The following ROR1 variants were observed in gnomAD, a reference collection of about 807,000 sequenced individuals.
The protein encoded by ROR1 is inactive tyrosine-protein kinase transmembrane receptor ROR1.
ROR1 carries 19 observed loss-of-function variants against 78.8 expected under a neutral mutation model. The ratio of observed to expected loss-of-function variants is 0.24; its 90% CI spans 0.17 to 0.35. The LOEUF (loss-of-function observed/expected upper bound fraction) is 0.35, where lower values mean the gene tolerates loss of function less well. Among genes scored for constraint, ROR1 ranks in the 10% least tolerant of loss-of-function variants. ROR1 has a pLI of 1.00. For missense variants in ROR1, 917 were observed against 1,177.8 expected (o/e 0.78, Z 3.24); for synonymous variants, 386 against 433.6 (o/e 0.89, Z 1.36).
chr1:63,964,152 G>A (rs1371690420), intron 1 of ROR1, among the ~76,000 whole-genome samples: 1 of 152,132 alleles, frequency 6.6e-6, no homozygotes, highest in African/African-American at 2.4e-5. Flanking sequence ...AGATTCAGAG[G>A]TATTATTTGA....
At position 64,054,207 on chromosome 1, in the gene ROR1, G is replaced by T. The variant is rs1646855979; in HGVS notation, c.482+3491G>T. Among the ~76,000 whole-genome samples, 4 of 152,136 alleles carry T rather than the reference G, an allele frequency of 2.6e-5. No homozygotes were observed. The South Asian group carries it at 8.3e-4, about 31-fold the overall frequency. On this transcript the variant is annotated intron_variant, in intron 4 of 8. Coordinates refer to ENST00000371079, the MANE Select transcript of ROR1 (RefSeq NM_005012.4). ...GGCCTCAAGCAACCCACCTACCTTG[G>T]CCTCCCAAAGTGCTGGGATTGCAGG...
chr1:63,937,587 C>A (rs747345830), intron 1 of ROR1, among the ~76,000 whole-genome samples: 1 of 152,064 alleles, frequency 6.6e-6, no homozygotes, highest in African/African-American at 2.4e-5. Context: ...CTCTGGATAG[C>A]CATCTTGGGC....
At chr1:64,036,304 A>G (rs1646701551) in intron 2 of ROR1, among the ~76,000 whole-genome samples, 1 of 152,178 alleles carries the variant, frequency 6.6e-6, no homozygotes, top group South Asian at 2.1e-4. Flanking sequence ...ATTCTGCTAC[A>G]TGACAGGTAC....
At chr1:64,122,944 G>A (rs1219203723) in intron 4 of ROR1, among the ~76,000 whole-genome samples, 1 of 152,144 alleles carries the variant, frequency 6.6e-6, no homozygotes, top group Non-Finnish European at 1.5e-5. Context: ...AGAAAGAATG[G>A]CTCCTCCCTC....
rs1167112729 is a variant in ROR1 at position 64,178,109 on chromosome 1, C to G, written c.2068C>G (p.Leu690Val). Residue 690 changes from leucine to valine, a missense_variant, in exon 9 of 9, where the codon CTC becomes GTC. Physicochemically the swap from Leu to Val is conservative, Grantham distance 32 (BLOSUM62 1). Around this residue, in one of 3 missense-constraint regions of ROR1, gnomAD observed 835 missense variants for 1,069.8 expected, o/e 0.78. Coordinates refer to ENST00000371079, the MANE Select transcript of ROR1 (RefSeq NM_005012.4). This position sits in a 1 kb window ranked among gnomAD's most constrained non-coding sequence, Gnocchi z 4.3. Reference sequence around the variant, plus strand: ...CTTGTGGGAGATTTTCAGTTTTGGACTCCAGCCATATTATGGATTCAGTAA... The same window carrying G: ...CTTGTGGGAGATTTTCAGTTTTGGAGTCCAGCCATATTATGGATTCAGTAA... ...VVLWEIFSFG[L>V]QPYYGFSNQE... The G allele has an allele frequency of 6.2e-7, 1 of 1,614,110 alleles. No homozygotes were observed. The highest frequency in any genetic ancestry group is 2.2e-5 in the East Asian group (1 of 44,868).
At chr1:63,985,822 G>A (rs577889845) in intron 1 of ROR1, among the ~76,000 whole-genome samples, 1 of 151,636 alleles carries the variant, frequency 6.6e-6, no homozygotes, top group South Asian at 2.1e-4. Context: ...TTAGATTTAG[G>A]TCCCATCCCT....
At chr1:64,035,525 T>A (rs1646695133) in intron 2 of ROR1, among the ~76,000 whole-genome samples, 1 of 150,236 alleles carries the variant, frequency 6.7e-6, no homozygotes, top group Non-Finnish European at 1.5e-5. Context: ...GAGAGTTGAT[T>A]GGACCAGGGA....
Position 63,876,677 on chromosome 1 carries a change from TGTGTGCGC to T in ROR1, c.91+102175_91+102182del, listed in dbSNP as rs1288055040. ...GTGTGTGTGTGTGTGTGTGTGTGTG[TGTGTGCGC>T]GTGTGTGTGTGAGAACATGTGTTTA... On this transcript the variant is annotated intron_variant, in intron 1 of 8. Coordinates refer to ENST00000371079, the MANE Select transcript of ROR1 (RefSeq NM_005012.4). Among the ~76,000 whole-genome samples, 89 of 81,850 alleles carry T rather than the reference TGTGTGCGC, an allele frequency of 1.1e-3. No homozygotes were observed. The African/African-American group carries it at 0.011, about 10-fold the overall frequency. The allele number at this position is 81,850 out of a possible 152,430, so 53.7% of individuals were successfully genotyped here.
At chr1:63,977,289 C>A (rs926122315) in intron 1 of ROR1, among the ~76,000 whole-genome samples, 11 of 152,276 alleles carry the variant, frequency 7.2e-5, no homozygotes, top group African/African-American at 2.6e-4. Flanking sequence ...AATATTTATA[C>A]AATATTTTTT....
intron 2 of ROR1, among the ~76,000 whole-genome samples, chr1:64,045,016 G>A (rs910503088): frequency 3.9e-5 from 6 of 152,078 alleles, no homozygotes; most frequent in Admixed American, 6.5e-5. Flanking sequence ...TTACAAAATC[G>A]TATGTAGGTA....
intron 1 of ROR1, among the ~76,000 whole-genome samples, chr1:63,784,801 T>C (rs1644674075): frequency 6.6e-6 from 1 of 152,164 alleles, no homozygotes; most frequent in Non-Finnish European, 1.5e-5. Context: ...TAGTTGGTTG[T>C]TGGTGTGTGA....
chr1:64,177,429 G>A lies in ROR1; in HGVS notation c.1388G>A (p.Ser463Asn), dbSNP rs1650413186. ...ACGTTTTTCCTCTCTTTCATACAGAGCAAGGCTAAAGAGCTACCTCTTTCT... is the reference window on the plus strand; with the variant it reads ...ACGTTTTTCCTCTCTTTCATACAGAACAAGGCTAAAGAGCTACCTCTTTCT... ...MSMLNAYKPK[S>N]KAKELPLSAV... The change falls in exon 9 of 9, where the codon AGC (serine) becomes AAC (asparagine). Residue 463 changes from serine to asparagine, a missense_variant and splice_region_variant. Ser to Asn is a conservative substitution (Grantham distance 46). Around this residue, in one of 3 missense-constraint regions of ROR1, gnomAD observed 835 missense variants for 1,069.8 expected, o/e 0.78. Coordinates refer to ENST00000371079, the MANE Select transcript of ROR1 (RefSeq NM_005012.4). 4 of 1,611,212 alleles carry A rather than the reference G, an allele frequency of 2.5e-6. No individual in the cohort carries two copies. In the Middle Eastern group the frequency reaches 5.0e-4, roughly 201 times the overall value.
In ROR1 at chr1:64,131,984, C is replaced by T. The variant is rs140117046; in HGVS notation, c.483-5385C>T. 4.6e-3 allele frequency among the ~76,000 whole-genome samples: 694 copies of T among 152,158 alleles called. 5 individuals are homozygous for T. The highest frequency in any genetic ancestry group is 0.016 in the African/African-American group (662 of 41,512). On this transcript the variant is annotated intron_variant, in intron 4 of 8. Coordinates refer to ENST00000371079, the MANE Select transcript of ROR1 (RefSeq NM_005012.4). ...TAGTATATTCATAATGTTGTATAAC[C>T]GCCACATCTGTCTACTTCCAAAACA...
At chr1:63,818,676 C>A (rs905748585) in intron 1 of ROR1, among the ~76,000 whole-genome samples, 1 of 152,158 alleles carries the variant, frequency 6.6e-6, no homozygotes, top group Non-Finnish European at 1.5e-5. Flanking sequence ...CATTTTTCCC[C>A]TCCCCTAGGT....
intron 1 of ROR1, among the ~76,000 whole-genome samples, chr1:63,891,447 G>T (rs929503841): frequency 2.0e-5 from 3 of 152,164 alleles, no homozygotes; most frequent in Admixed American, 6.5e-5. Flanking sequence ...CTCATGGGAA[G>T]ACTTGCAGGT....
At chr1:64,125,147 CTA>C (rs1648666534) in intron 4 of ROR1, among the ~76,000 whole-genome samples, 1 of 152,164 alleles carries the variant, frequency 6.6e-6, no homozygotes, top group Non-Finnish European at 1.5e-5. Flanking sequence ...TGTGTGAACA[CTA>C]AACGTTTTTA....
At chr1:63,969,855 C>T (rs1291791258) in intron 1 of ROR1, among the ~76,000 whole-genome samples, 3 of 152,280 alleles carry the variant, frequency 2.0e-5, no homozygotes, top group South Asian at 2.1e-4. Flanking sequence ...TCACATGACT[C>T]CTCTGCACAG....
rs1650457654 is a variant in ROR1, at chr1:64,178,565, C to G, written c.2524C>G (p.Pro842Ala). The G allele has an allele frequency of 6.2e-7, 1 of 1,614,168 alleles. No homozygotes were observed. Among genetic ancestry groups the G allele is most frequent in the South Asian group, 1.1e-5 (1 of 91,080 alleles). The change falls in exon 9 of 9, where the codon CCC (proline) becomes GCC (alanine). Residue 842 changes from proline to alanine, a missense_variant. Around this residue, in one of 3 missense-constraint regions of ROR1, gnomAD observed 835 missense variants for 1,069.8 expected, o/e 0.78. Transcript: ENST00000371079. The surrounding 1 kb of genome is among the most constrained non-coding windows in gnomAD (Gnocchi z 4.3). The stretch of plus-strand genomic sequence containing the variant: ...TGCCCACTACCAGCCAACAGGTCCT[C>G]CCAGAGTGATTCAGCACTGCCCACC... ...PAAHYQPTGPPRVIQHCPPPK... is the reference protein window; with the variant it reads ...PAAHYQPTGPARVIQHCPPPK...
intron 1 of ROR1, among the ~76,000 whole-genome samples, chr1:63,975,668 T>C (rs1343821735): frequency 6.6e-6 from 1 of 152,172 alleles, no homozygotes; most frequent in Admixed American, 6.5e-5. Context: ...AGCAAATTTC[T>C]GAGCGTTATG....
Sources: gnomAD v4.1 joint callset for allele counts (sites outside exome capture counted in the v4.1 genomes callset) on GRCh38, gnomAD v4.1.1 for gene constraint, gnomAD v4.1.1 regional missense constraint, Gnocchi (gnomAD v3.1) non-coding constraint, MANE v1.5 for transcripts, NCBI Gene and HGNC (gene_info 2026-07-23, HGNC 2026-07-21) for gene names.